The following HEATR1 variants were observed in gnomAD, a reference collection of about 807,000 sequenced individuals.
The protein encoded by HEATR1 is HEAT repeat-containing protein 1.
Under a neutral mutation model 248.2 loss-of-function variants are expected in HEATR1, and 77 were observed. The ratio of observed to expected loss-of-function variants is 0.31; its 90% CI spans 0.26 to 0.37. The LOEUF (loss-of-function observed/expected upper bound fraction) is 0.37. Ranked by LOEUF, HEATR1 falls within the 10% of genes least tolerant of loss-of-function variation. The pLI, the probability that HEATR1 is intolerant of heterozygous loss-of-function variation, is 1.00. For missense variants in HEATR1, 2,420 were observed against 2,504.9 expected, an observed-to-expected ratio of 0.97 and a Z score of 0.72; for synonymous variants, 897 against 923.1, an observed-to-expected ratio of 0.97 and a Z score of 0.51.
chr1:236,564,969 T>G (rs761066733), intron 31 of HEATR1, among the ~76,000 whole-genome samples: 7 of 152,152 alleles, frequency 4.6e-5, no homozygotes, highest in Non-Finnish European at 8.8e-5. Flanking sequence ...ACTGCAGGTG[T>G]AGATTTCTTT....
At chr1:236,580,295 TTTTG>T (rs1311071472) in intron 20 of HEATR1, among the ~76,000 whole-genome samples, 3 of 151,964 alleles carry the variant, frequency 2.0e-5, no homozygotes, top group Non-Finnish European at 4.4e-5. Context: ...TGCAGGAGGG[TTTTG>T]TTTTTGTTAG....
At chr1:236,555,760 G>A (rs751901670) in intron 39 of HEATR1, 45 bp downstream of exon 39, 3 of 1,612,870 alleles carry the variant, frequency 1.9e-6, no homozygotes, top group South Asian at 1.1e-5. Context: ...CTCTTCAATA[G>A]GTGGATAACA....
chr1:236,575,519 G>A (rs1167641310), intron 22 of HEATR1, among the ~76,000 whole-genome samples: 2 of 152,184 alleles, frequency 1.3e-5, no homozygotes, highest in African/African-American at 4.8e-5. Context: ...CTTTACCCAA[G>A]AAATTTGTCA....
chr1:236,570,618 T>C lies in HEATR1; in HGVS notation c.3948+733A>G, dbSNP rs1396241932. Among the ~76,000 whole-genome samples the C allele has an allele frequency of 5.3e-5, 8 of 152,262 alleles. No individual in the cohort carries two copies. The South Asian group carries it at 1.2e-3, about 24-fold the overall frequency. On this transcript the variant is annotated intron_variant, in intron 28 of 44. Coordinates refer to ENST00000366582, the MANE Select transcript of HEATR1 (RefSeq NM_018072.6). ...TCGTGAATATACTAAAATCACTTAA[T>C]TGTATACTTTAAATGGGTGAATTTT...
At chr1:236,603,097 ACTT>A in intron 3 of HEATR1, 60 bp downstream of exon 3, 3 of 1,228,126 alleles carry the variant, frequency 2.4e-6, no homozygotes, top group Non-Finnish European at 3.6e-6. Flanking sequence ...GTTCTCAACT[ACTT>A]AATTTTTTAC....
At chr1:236,560,644 G>A (rs1454329108) in intron 33 of HEATR1, among the ~76,000 whole-genome samples, 1 of 152,198 alleles carries the variant, frequency 6.6e-6, no homozygotes, top group Admixed American at 6.5e-5. Flanking sequence ...GTGGCCCTGG[G>A]AATGCCATGC....
rs1662854929 is a variant in HEATR1 at position 236,553,747 on chromosome 1, G to A, written c.6079-8C>T. On this transcript the variant is annotated splice_polypyrimidine_tract_variant and splice_region_variant and intron_variant, in intron 42 of 44. Coordinates refer to ENST00000366582, the MANE Select transcript of HEATR1 (RefSeq NM_018072.6). ...CCCAAGCCTGTTTTCCAGCTAGGAA[G>A]AGTAAGACAAAGACTTTGAACAACA... The A allele has an allele frequency of 6.2e-7, 1 of 1,607,376 alleles. No homozygotes were observed. Among genetic ancestry groups the A allele is most frequent in the Non-Finnish European group, 8.5e-7 (1 of 1,177,078 alleles).
At chr1:236,586,194 T>C (rs1250573013) in intron 15 of HEATR1, 47 bp downstream of exon 15, 2 of 1,441,880 alleles carry the variant, frequency 1.4e-6, no homozygotes, top group African/African-American at 1.4e-5. Flanking sequence ...TTGTTTTCTT[T>C]TGTGTTATCT....
intron 17 of HEATR1, among the ~76,000 whole-genome samples, chr1:236,583,777 G>A (rs994198806): frequency 4.6e-5 from 7 of 152,040 alleles, no homozygotes; most frequent in Admixed American, 3.9e-4. Flanking sequence ...GTGAGCTACC[G>A]TGCCTGGCCA....
At position 236,559,750 on chromosome 1, in the gene HEATR1, G is replaced by A. The variant is rs769053413; in HGVS notation, c.4734C>T (p.Arg1578=). ...NADKLTVKFW[R]ALLSKAYDLL... is the part of the protein sequence containing the mutation. ...GGTCGTAAGCTTTACTAAGGAGCGC[G>A]CGCCAGAACTTCACGGTGAGTTTGT... Residue 1578 remains arginine, a synonymous_variant, in exon 34 of 45, where the codon CGC becomes CGT. Coordinates refer to ENST00000366582, the MANE Select transcript of HEATR1 (RefSeq NM_018072.6). The A allele has an allele frequency of 1.9e-6, 3 of 1,613,906 alleles. No homozygotes were observed. The highest frequency in any genetic ancestry group is 2.5e-6 in the Non-Finnish European group (3 of 1,179,914).
intron 6 of HEATR1, among the ~76,000 whole-genome samples, chr1:236,596,311 C>T (rs906795392): frequency 6.6e-6 from 1 of 152,188 alleles, no homozygotes; most frequent in Non-Finnish European, 1.5e-5. Flanking sequence ...CCAGTAAGCT[C>T]TTCTTTTATA....
At chr1:236,592,376 T>C (rs988603628) in intron 10 of HEATR1, 147 bp downstream of exon 10, 4 of 593,552 alleles carry the variant, frequency 6.7e-6, no homozygotes, top group Admixed American at 6.5e-5. Context: ...CAAATATTTT[T>C]GATTCCGATA....
At position 236,569,139 on chromosome 1, in the gene HEATR1, A is replaced by G. The variant is rs1572038516; in HGVS notation, c.3949-15T>C. The G allele has an allele frequency of 2.6e-6, 4 of 1,552,864 alleles. No individual in the cohort carries two copies. Among genetic ancestry groups the G allele is most frequent in the Non-Finnish European group, 3.5e-6 (4 of 1,151,630 alleles). On this transcript the variant is annotated splice_polypyrimidine_tract_variant and intron_variant, in intron 28 of 44. Transcript: ENST00000366582. ...AAAACTTTATCCTGAAAGAAAACAC[A>G]ACTATCAACATTTTTTATTTCTGTT...
chr1:236,555,271 C>G, intron 41 of HEATR1, 25 bp downstream of exon 41: 3 of 1,611,108 alleles, frequency 1.9e-6, no homozygotes, highest in Middle Eastern at 1.7e-4. Flanking sequence ...GCAAGGGTGA[C>G]AGCTGAACTG....
rs573232456 is a variant in HEATR1 at position 236,600,311 on chromosome 1, A to G, written c.360-687T>C. ...CCAGCTAATTTTTTTTTTTTACTTT[A>G]GTAGAGATGGGGTTTCACCATGTTG... On this transcript the variant is annotated intron_variant, in intron 3 of 44. Transcript: ENST00000366582. Among the ~76,000 whole-genome samples, 576 of 147,410 alleles carry G rather than the reference A, an allele frequency of 3.9e-3. 2 individuals are homozygous for G. Among genetic ancestry groups the G allele is most frequent in the Non-Finnish European group, 6.3e-3 (419 of 66,732 alleles).
chr1:236,553,576 C>CGTTA lies in HEATR1; in HGVS notation c.6237+4_6237+5insTAAC. The CGTTA allele has an allele frequency of 6.2e-7, 1 of 1,612,974 alleles. No homozygotes were observed. The highest frequency in any genetic ancestry group is 8.5e-7 in the Non-Finnish European group (1 of 1,179,478). Reference sequence around the variant, plus strand: ...AGTTTCAGTACTTGTCACGCAGTTCCTAACCTTAGGCGAGGAGTCTCTCGT... The same window carrying CGTTA: ...AGTTTCAGTACTTGTCACGCAGTTCCGTTATAACCTTAGGCGAGGAGTCTCTCGT... On this transcript the variant is annotated splice_donor_region_variant and intron_variant, in intron 43 of 44. Transcript: ENST00000366582.
Position 236,585,295 on chromosome 1 carries a change from T to C in HEATR1, c.2050-79A>G, listed in dbSNP as rs1356860947. The stretch of plus-strand genomic sequence containing the variant: ...TTTTTTCAACTCAGGTCTATCTAGG[T>C]ATTATGTGTTTTACATTTAAAGTGA... On this transcript the variant is annotated intron_variant, in intron 16 of 44. Transcript: ENST00000366582. 7.7e-6 allele frequency: 9 copies of C among 1,172,132 alleles called. No individual in the cohort carries two copies. In the East Asian group the frequency reaches 2.2e-4, roughly 28 times the overall value. 72.6% of individuals were successfully genotyped at this position (1,172,132 alleles called of 1,614,324 possible). A position where few individuals can be genotyped will look rare whatever the true frequency, so the allele number is the denominator to read the frequency against.
At chr1:236,553,141 C>G (rs1241033637) in intron 43 of HEATR1, among the ~76,000 whole-genome samples, 3 of 152,174 alleles carry the variant, frequency 2.0e-5, no homozygotes, top group Non-Finnish European at 4.4e-5. Context: ...CCACCACTTA[C>G]TCAACAAGAT....
chr1:236,601,663 CAA>C (rs1476257995), intron 3 of HEATR1, among the ~76,000 whole-genome samples: 1 of 92,768 alleles, frequency 1.1e-5, no homozygotes, highest in Non-Finnish European at 2.8e-5. Context: ...AAAACAAAAA[CAA>C]AAACAAACAA....
Sources: allele counts gnomAD v4.1 joint callset (sites outside exome capture counted in the v4.1 genomes callset), GRCh38; gene constraint gnomAD v4.1.1; transcripts MANE v1.5; gene names NCBI Gene and HGNC (gene_info 2026-07-23, HGNC 2026-07-21).